METTL8: variants seen among roughly 807,000 people sequenced by gnomAD.
METTL8 encodes methyltransferase 8, tRNA N3-cytidine.
METTL8 carries 32 observed loss-of-function variants against 48.7 expected under a neutral mutation model. The ratio of observed to expected loss-of-function variants is 0.66; its 90% confidence interval spans 0.50 to 0.88. The LOEUF is 0.88. Ranked by LOEUF, METTL8 falls within the 40% of genes least tolerant of loss-of-function variation. METTL8 has a pLI of 0.00. For missense variants in METTL8, 464 were observed against 474.4 expected (o/e 0.98, Z 0.20); for synonymous variants, 136 against 157.1 (o/e 0.87, Z 1.01).
At chr2:171,374,554 T>C (rs144188805) in intron 2 of METTL8, among the ~76,000 whole-genome samples, 2 of 152,280 alleles carry the variant, frequency 1.3e-5, no homozygotes, top group Non-Finnish European at 2.9e-5. Context: ...AGTTTTAATA[T>C]ATGTAGACAC....
intron 2 of METTL8, among the ~76,000 whole-genome samples, chr2:171,370,013 C>T (rs1193963299): frequency 6.6e-6 from 1 of 151,464 alleles, no homozygotes; most frequent in Non-Finnish European, 1.5e-5. Flanking sequence ...TTGCAATGAG[C>T]CGAGATCATG....
intron 3 of METTL8, among the ~76,000 whole-genome samples, chr2:171,354,767 T>A (rs1684338491): frequency 6.6e-6 from 1 of 152,258 alleles, no homozygotes; most frequent in South Asian, 2.1e-4. Flanking sequence ...CTGAAGCTTG[T>A]ACATGCGTCA....
At chr2:171,374,712 ATAGAT>A (rs1293507902) in intron 2 of METTL8, among the ~76,000 whole-genome samples, 1 of 138,850 alleles carries the variant, frequency 7.2e-6, no homozygotes, top group East Asian at 2.1e-4. Context: ...TTCTGTCTCT[ATAGAT>A]TAGTTTGCAT....
chr2:171,363,768 G>GT (rs1407310634), intron 2 of METTL8, among the ~76,000 whole-genome samples: 10 of 114,718 alleles, frequency 8.7e-5, no homozygotes, highest in Non-Finnish European at 1.5e-4. Context: ...ATAAAATGAG[G>GT]TTAAAAAAGT....
At chr2:171,434,747 G>T (rs967431707), upstream of METTL8, 1 of 1,391,602 alleles carries the variant, frequency 7.2e-7, no homozygotes, top group South Asian at 1.6e-5. Context: ...CCGCGGGCGC[G>T]CGGCGGCCGA....
chr2:171,347,461 A>G (rs1256821356), intron 3 of METTL8, among the ~76,000 whole-genome samples: 1 of 152,192 alleles, frequency 6.6e-6, no homozygotes, highest in Non-Finnish European at 1.5e-5. Context: ...AGCCACATAC[A>G]AACGACTTTA....
chr2:171,333,239 C>T (rs6712315), intron 5 of METTL8, among the ~76,000 whole-genome samples: 16,545 of 152,016 alleles, frequency 0.11, 1,191 homozygotes, highest in Middle Eastern at 0.19. Context: ...GCTGGGATTA[C>T]AGGCATGTGC....
At chr2:171,336,936 C>T (rs372014055) in intron 5 of METTL8, among the ~76,000 whole-genome samples, 2 of 134,696 alleles carry the variant, frequency 1.5e-5, no homozygotes, top group South Asian at 2.4e-4. Context: ...ATGGCGCAGT[C>T]GGGTCACTGC....
intron 2 of METTL8, among the ~76,000 whole-genome samples, chr2:171,366,952 G>A (rs1685791096): frequency 6.6e-6 from 1 of 150,718 alleles, no homozygotes; most frequent in Non-Finnish European, 1.5e-5. Flanking sequence ...GAATGGGTCA[G>A]TAAACTTAAT....
intron 2 of METTL8, among the ~76,000 whole-genome samples, chr2:171,375,464 A>C (rs1197402578): frequency 6.6e-6 from 1 of 152,194 alleles, no homozygotes; most frequent in Non-Finnish European, 1.5e-5. Flanking sequence ...CTACATCCTT[A>C]TCAACACTTG....
At chr2:171,412,225 C>T (rs56065525) in intron 1 of METTL8, among the ~76,000 whole-genome samples, 4,674 of 152,306 alleles carry the variant, frequency 0.031, 81 homozygotes, top group East Asian at 0.051. Context: ...TCCTGCTCTC[C>T]GCAGCATCAC....
intron 4 of METTL8, 53 bp downstream of exon 4, chr2:171,339,131 G>A: frequency 2.2e-6 from 3 of 1,389,956 alleles, no homozygotes; most frequent in Non-Finnish European, 2.8e-6. Context: ...AATACAGAAT[G>A]TACATTTTCA....
Position 171,397,838 on chromosome 2 carries a change from A to G in METTL8, c.-12-5641T>C, listed in dbSNP as rs545973017. Among the ~76,000 whole-genome samples, 4 of 152,332 alleles carry G rather than the reference A, an allele frequency of 2.6e-5. No homozygotes were observed. The South Asian group carries it at 8.3e-4, about 32-fold the overall frequency. Reference sequence around the variant, plus strand: ...AGATGGGACAAAGTCCTTGAAAACCATAACTTACCAATAATAACAAAATAA... The same window carrying G: ...AGATGGGACAAAGTCCTTGAAAACCGTAACTTACCAATAATAACAAAATAA... On this transcript the variant is annotated intron_variant, in intron 1 of 9. Transcript: ENST00000375258.
At chr2:171,416,515 C>T (rs1040456728) in intron 1 of METTL8, among the ~76,000 whole-genome samples, 4 of 152,180 alleles carry the variant, frequency 2.6e-5, no homozygotes, top group Admixed American at 6.5e-5. Flanking sequence ...TTAAGTTCAA[C>T]GATTTCACCT....
upstream of METTL8, chr2:171,434,356 G>A (rs1693603245): frequency 1.3e-6 from 1 of 778,484 alleles, no homozygotes; most frequent in Non-Finnish European, 2.2e-6. Flanking sequence ...CGAAAAGGGA[G>A]TGCTTCTTCC....
At chr2:171,402,636 G>A (rs1379838485) in intron 1 of METTL8, among the ~76,000 whole-genome samples, 1 of 152,056 alleles carries the variant, frequency 6.6e-6, no homozygotes, top group Admixed American at 6.6e-5. Flanking sequence ...TCCTTACTCT[G>A]TCATCTGAGA....
chr2:171,356,960 T>TTG (rs1684641277), intron 3 of METTL8, among the ~76,000 whole-genome samples: 1 of 123,626 alleles, frequency 8.1e-6, no homozygotes, highest in African/African-American at 2.9e-5. Flanking sequence ...ATATTTTTTT[T>TTG]TTTTTTTTTG....
rs767868211 is a variant in METTL8, at chr2:171,325,840, C to A, written c.1033+1G>T. On this transcript the variant is annotated splice_donor_variant, in intron 9 of 9. Transcript: ENST00000375258. LOFTEE classifies it high-confidence loss of function. ...TTATTTCCTTTTGTAGATTAGCATACCTTTTGTAAAGAAATATGCTCTGGT... is the reference window on the plus strand; with the variant it reads ...TTATTTCCTTTTGTAGATTAGCATAACTTTTGTAAAGAAATATGCTCTGGT... 5.2e-6 allele frequency: 8 copies of A among 1,551,396 alleles called. No individual in the cohort carries two copies. Among genetic ancestry groups the A allele is most frequent in the East Asian group, 2.2e-5 (1 of 44,524 alleles).
intron 1 of METTL8, among the ~76,000 whole-genome samples, chr2:171,412,517 C>T (rs562922652): frequency 3.5e-4 from 53 of 152,208 alleles, no homozygotes; most frequent in African/African-American, 1.1e-3. Flanking sequence ...AACCCTACCC[C>T]CCTTTAGGCA....
Sources: allele counts gnomAD v4.1 joint callset (sites outside exome capture counted in the v4.1 genomes callset), GRCh38; gene constraint gnomAD v4.1.1; transcripts MANE v1.5; gene names NCBI Gene and HGNC (gene_info 2026-07-23, HGNC 2026-07-21).